Variants in IL1RAPL1 observed in about 807,000 individuals in gnomAD.
The protein encoded by IL1RAPL1 is interleukin-1 receptor accessory protein-like 1.
IL1RAPL1 carries 3 observed loss-of-function variants against 48.4 expected under a neutral mutation model. That is an observed-to-expected ratio of 0.06 (90% CI 0.03 to 0.16). The LOEUF (loss-of-function observed/expected upper bound fraction) is 0.16, where lower values mean the gene tolerates loss of function less well. Among genes scored for constraint, IL1RAPL1 ranks in the 10% least tolerant of loss-of-function variants. The pLI is 1.00. For missense variants in IL1RAPL1, 349 were observed against 530.6 expected (o/e 0.66, Z 3.36); for synonymous variants, 185 against 187.7 (o/e 0.99, Z 0.12).
intron 2 of IL1RAPL1, among the ~76,000 whole-genome samples, chrX:28,845,069 G>A (rs1292540933): frequency 2.7e-5 from 3 of 111,725 alleles, no homozygotes; most frequent in Non-Finnish European, 5.7e-5. Context: ...CTTCTCTGGT[G>A]AATTTAATTC....
chrX:29,092,756 T>C (rs1217034233), intron 2 of IL1RAPL1, among the ~76,000 whole-genome samples: 1 of 112,152 alleles, frequency 8.9e-6, no homozygotes, highest in East Asian at 2.8e-4. Context: ...TAAGGAAAGG[T>C]TCTTGGTTAA....
At chrX:28,778,748 A>T (rs755367127) in intron 1 of IL1RAPL1, among the ~76,000 whole-genome samples, 1 of 111,894 alleles carries the variant, frequency 8.9e-6, no homozygotes, top group South Asian at 3.7e-4. Flanking sequence ...TGTATGAAAC[A>T]TATCAATTTC....
chrX:29,138,295 A>C (rs911675056), intron 2 of IL1RAPL1, among the ~76,000 whole-genome samples: 1 of 112,272 alleles, frequency 8.9e-6, no homozygotes, highest in Non-Finnish European at 1.9e-5. Flanking sequence ...GACACTAGTT[A>C]TTTCACTACA....
At chrX:29,415,363 A>G (rs1057499492) in intron 5 of IL1RAPL1, among the ~76,000 whole-genome samples, 1 of 111,718 alleles carries the variant, frequency 9.0e-6, no homozygotes, top group African/African-American at 3.2e-5. Flanking sequence ...ATAGATCTAT[A>G]TAATATATAT....
intron 5 of IL1RAPL1, among the ~76,000 whole-genome samples, chrX:29,599,467 A>C: frequency 8.9e-6 from 1 of 111,769 alleles, no homozygotes; most frequent in Non-Finnish European, 1.9e-5. Flanking sequence ...CCTTTGCCTG[A>C]CTTTAGATAA....
chrX:29,704,160 C>G (rs1000298067), intron 6 of IL1RAPL1, among the ~76,000 whole-genome samples: 1 of 109,813 alleles, frequency 9.1e-6, no homozygotes, highest in African/African-American at 3.3e-5. Flanking sequence ...AATTTCCTGT[C>G]CTCAAGGAAT....
At chrX:29,371,126 C>CTTTTTTTT (rs1168566971) in intron 3 of IL1RAPL1, among the ~76,000 whole-genome samples, 2 of 56,720 alleles carry the variant, frequency 3.5e-5, no homozygotes, top group Admixed American at 2.7e-4. Context: ...TCTAAATGTA[C>CTTTTTTTT]TTTTTTTTTT....
At chrX:29,019,042 AAG>A (rs1178522479) in intron 2 of IL1RAPL1, among the ~76,000 whole-genome samples, 1 of 111,891 alleles carries the variant, frequency 8.9e-6, no homozygotes, top group East Asian at 2.8e-4. Flanking sequence ...ACAAGACAGT[AAG>A]AGAGAGAAGA....
chrX:29,251,442 G>A (rs149977923), intron 2 of IL1RAPL1, among the ~76,000 whole-genome samples: 14 of 111,533 alleles, frequency 1.3e-4, no homozygotes, highest in South Asian at 7.5e-4. Context: ...ACAGTAGACC[G>A]TGTATGCAGG....
intron 10 of IL1RAPL1, 121 bp from the exon 11 acceptor site, chrX:29,954,981 G>T (rs1212455696): frequency 4.8e-6 from 3 of 628,854 alleles, no homozygotes; most frequent in South Asian, 2.4e-5. Context: ...ATTAGGAGAA[G>T]CAAGTCCCAA....
chrX:29,908,425 T>A (rs1932688594), intron 6 of IL1RAPL1, among the ~76,000 whole-genome samples: 1 of 109,222 alleles, frequency 9.2e-6, no homozygotes, highest in African/African-American at 3.3e-5. Flanking sequence ...TTTTAGAATC[T>A]ATGCTCTTAA....
At chrX:29,045,763 G>A (rs1271076394) in intron 2 of IL1RAPL1, among the ~76,000 whole-genome samples, 1 of 112,035 alleles carries the variant, frequency 8.9e-6, no homozygotes, top group Admixed American at 9.5e-5. Context: ...AGGCCTTCTA[G>A]TTTTTTGTTG....
At chrX:29,307,610 C>T (rs1224003958) in intron 3 of IL1RAPL1, among the ~76,000 whole-genome samples, 3 of 111,641 alleles carry the variant, frequency 2.7e-5, no homozygotes, top group African/African-American at 9.7e-5. Context: ...AGAAACTGAA[C>T]ACAATTGCAA....
At chrX:29,182,438 T>C (rs1930163148) in intron 2 of IL1RAPL1, among the ~76,000 whole-genome samples, 2 of 112,130 alleles carry the variant, frequency 1.8e-5, no homozygotes, top group Admixed American at 1.9e-4. Flanking sequence ...CTTTGTAAAA[T>C]TGCAAAGAAA....
At chrX:29,246,956 T>A (rs1296434113) in intron 2 of IL1RAPL1, among the ~76,000 whole-genome samples, 2 of 111,779 alleles carry the variant, frequency 1.8e-5, no homozygotes, top group Non-Finnish European at 1.9e-5. Context: ...GCAAAGTGTT[T>A]AGTTTTAATG....
At position 28,697,127 on chromosome X, in the gene IL1RAPL1, A is replaced by G. The variant is rs1039012108; in HGVS notation, c.-24-92193A>G. Among the ~76,000 whole-genome samples the G allele has an allele frequency of 1.1e-4, 12 of 111,372 alleles. No homozygotes were observed. In the South Asian group the frequency reaches 2.2e-3, roughly 20 times the overall value. ...TTTTAATTTGCCTAATGACTTGTACATTGGACTTTTTTTTGATAAGTTGCT... is the reference window on the plus strand; with the variant it reads ...TTTTAATTTGCCTAATGACTTGTACGTTGGACTTTTTTTTGATAAGTTGCT... On this transcript the variant is annotated intron_variant, in intron 1 of 10. Transcript: ENST00000378993.
intron 1 of IL1RAPL1, among the ~76,000 whole-genome samples, chrX:28,668,517 C>T (rs1044420367): frequency 2.6e-5 from 3 of 113,415 alleles, no homozygotes; most frequent in South Asian, 7.0e-4. Context: ...CTCGGCCTCC[C>T]GAAGTGCTCG....
chrX:28,719,867 G>A (rs1448253355), intron 1 of IL1RAPL1, among the ~76,000 whole-genome samples: 1 of 111,078 alleles, frequency 9.0e-6, no homozygotes, highest in African/African-American at 3.3e-5. Context: ...GGGGGATGGA[G>A]TAATTTTTAG....
At chrX:29,288,813 G>A (rs767446783) in intron 3 of IL1RAPL1, among the ~76,000 whole-genome samples, 2 of 111,210 alleles carry the variant, frequency 1.8e-5, no homozygotes, top group Non-Finnish European at 3.8e-5. Context: ...CTGTAACCTC[G>A]CCAGCATCTG....
Sources: allele counts gnomAD v4.1 joint callset (sites outside exome capture counted in the v4.1 genomes callset), GRCh38; gene constraint gnomAD v4.1.1; transcripts MANE v1.5; gene names NCBI Gene and HGNC (gene_info 2026-07-23, HGNC 2026-07-21).